Variants in YIPF6 observed in about 807,000 individuals in gnomAD.
YIPF6 encodes protein YIPF6.
YIPF6 carries 3 observed loss-of-function variants against 16.8 expected under a neutral mutation model. That is an observed-to-expected ratio of 0.18 (90% CI 0.08 to 0.46). The LOEUF (loss-of-function observed/expected upper bound fraction) is 0.46, where lower values mean the gene tolerates loss of function less well. Among genes scored for constraint, YIPF6 ranks in the 20% least tolerant of loss-of-function variants. The pLI is 0.98. For synonymous variants in YIPF6, 67 were observed against 61.9 expected, an observed-to-expected ratio of 1.08 and a Z score of -0.38; for missense variants, 145 against 184.9, an observed-to-expected ratio of 0.78 and a Z score of 1.25.
At position 68,535,074 on chromosome X, in the gene YIPF6, C is replaced by T. The variant is rs1437904378; in HGVS notation, c.*3075C>T. ...TGTGCAGTAAAGTCTTAAAAGTCAA[C>T]CGTTAATCATTAAGTCTTTTGCCTC... is the stretch of plus-strand genomic sequence containing the variant. On this transcript the variant is annotated 3_prime_UTR_variant, in exon 7 of 7. Transcript: ENST00000462683. 1 of 112,412 alleles carries T rather than the reference C, an allele frequency of 8.9e-6. No homozygotes were observed. Among genetic ancestry groups the T allele is most frequent in the Non-Finnish European group, 1.9e-5 (1 of 53,359 alleles). 9.3% of individuals were successfully genotyped at this position (112,412 alleles called of 1,213,427 possible). A position where few individuals can be genotyped will look rare whatever the true frequency, so the allele number is the denominator to read the frequency against.
At position 68,535,565 on chromosome X, in the gene YIPF6, A is replaced by T. The variant is rs2079188142; in HGVS notation, c.*3566A>T. On this transcript the variant is annotated 3_prime_UTR_variant, in exon 7 of 7. Transcript: ENST00000462683. ...GTATAAATGTTAATTCATGTATATA[A>T]ATTAGAAACACTTTTCTAGATTCTG... is the stretch of plus-strand genomic sequence containing the variant. 8.9e-6 allele frequency: 1 copy of T among 111,786 alleles called. No homozygotes were observed. The highest frequency in any genetic ancestry group is 1.9e-5 in the Non-Finnish European group (1 of 53,240). The allele number at this position is 111,786 out of a possible 1,213,427, so 9.2% of individuals were successfully genotyped here. A position where few individuals can be genotyped will look rare whatever the true frequency, so the allele number is the denominator to read the frequency against.
chrX:68,519,902 AT>A (rs1202782911), intron 4 of YIPF6, among the ~76,000 whole-genome samples: 3 of 111,465 alleles, frequency 2.7e-5, no homozygotes, highest in African/African-American at 9.8e-5. Context: ...GAGCATATAT[AT>A]TTTTTTTACT....
chrX:68,499,813 A>AT (rs769867996), intron 1 of YIPF6, among the ~76,000 whole-genome samples: 105 of 111,173 alleles, frequency 9.4e-4, no homozygotes, highest in Admixed American at 1.3e-3. Context: ...AATTTTTAGT[A>AT]TTTTTTTGTA....
chrX:68,500,460 C>T lies in YIPF6; in HGVS notation c.57+1337C>T, dbSNP rs376033385. On this transcript the variant is annotated intron_variant, in intron 1 of 6. Coordinates refer to ENST00000462683, the MANE Select transcript of YIPF6 (RefSeq NM_173834.4). ...CCTCCTGAGTAGCTGGGATTACAGGCGCCTGCCACTACGTCCAGCTAATTT... is the reference window on the plus strand; with the variant it reads ...CCTCCTGAGTAGCTGGGATTACAGGTGCCTGCCACTACGTCCAGCTAATTT... Among the ~76,000 whole-genome samples the T allele has an allele frequency of 2.4e-3, 270 of 110,789 alleles. 1 individual carries two copies. Among genetic ancestry groups the T allele is most frequent in the African/African-American group, 8.1e-3 (247 of 30,462 alleles).
At position 68,526,201 on chromosome X, in the gene YIPF6, A is replaced by G. The variant is rs1009233293; in HGVS notation, c.592+3284A>G. Among the ~76,000 whole-genome samples, 2 of 111,313 alleles carry G rather than the reference A, an allele frequency of 1.8e-5. 1 individual carries two copies. ...AGTTCTCCTTGAAGAGGTCCTTCAT[A>G]TCCCTTGTAAGTTGGATTCCTAGGT... On this transcript the variant is annotated intron_variant, in intron 6 of 6. Coordinates refer to ENST00000462683, the MANE Select transcript of YIPF6 (RefSeq NM_173834.4).
At chrX:68,500,517 G>A (rs549957461) in intron 1 of YIPF6, among the ~76,000 whole-genome samples, 33 of 110,959 alleles carry the variant, frequency 3.0e-4, no homozygotes, top group African/African-American at 1.0e-3. Flanking sequence ...CTTTCACCAC[G>A]TTGGCCAGGC....
At chrX:68,512,070 T>A (rs1569324575) in intron 2 of YIPF6, 93 bp downstream of exon 2, 8 of 933,504 alleles carry the variant, frequency 8.6e-6, no homozygotes, top group Admixed American at 6.7e-5. Context: ...TTCACTGATT[T>A]TGAATATATT....
rs778651887 is a variant in YIPF6, at chrX:68,508,139, G to A, written c.58-3710G>A. On this transcript the variant is annotated intron_variant, in intron 1 of 6. Coordinates refer to ENST00000462683, the MANE Select transcript of YIPF6 (RefSeq NM_173834.4). The stretch of plus-strand genomic sequence containing the variant: ...TCTTTTTTTTTTTTTTTGAGACAGA[G>A]TCTCACTCTGGAGTTCAGTGGCGTG... Among the ~76,000 whole-genome samples, 6 of 103,966 alleles carry A rather than the reference G, an allele frequency of 5.8e-5. No homozygotes were observed. The South Asian group carries it at 1.4e-3, about 24-fold the overall frequency. The allele number at this position is 103,966 out of a possible 115,157, so 90.3% of individuals were successfully genotyped here.
rs149811113 is a variant in YIPF6, at chrX:68,504,560, A to T, written c.57+5437A>T. ...AAAATACTCCTCTGTCATTCAGGAAATTCTAAGTTTAGAGGCTAACTCTCA... is the reference window on the plus strand; with the variant it reads ...AAAATACTCCTCTGTCATTCAGGAATTTCTAAGTTTAGAGGCTAACTCTCA... On this transcript the variant is annotated intron_variant, in intron 1 of 6. Coordinates refer to ENST00000462683, the MANE Select transcript of YIPF6 (RefSeq NM_173834.4). 8.7e-4 allele frequency among the ~76,000 whole-genome samples: 97 copies of T among 112,032 alleles called. 1 individual carries two copies. The East Asian group carries it at 0.026, about 30-fold the overall frequency.
intron 1 of YIPF6, among the ~76,000 whole-genome samples, chrX:68,500,481 AATTTTTGT>A (rs1458082952): frequency 9.1e-6 from 1 of 110,170 alleles, no homozygotes; most frequent in Non-Finnish European, 1.9e-5. Context: ...ACGTCCAGCT[AATTTTTGT>A]ATTTTTGTAG....
At chrX:68,516,010 C>T (rs2079101171) in intron 3 of YIPF6, among the ~76,000 whole-genome samples, 1 of 111,104 alleles carries the variant, frequency 9.0e-6, no homozygotes, top group Non-Finnish European at 1.9e-5. Flanking sequence ...GTAGTCCCAG[C>T]TACTCCGGAG....
intron 6 of YIPF6, among the ~76,000 whole-genome samples, chrX:68,529,974 C>T (rs1368534335): frequency 3.6e-5 from 4 of 112,117 alleles, no homozygotes; most frequent in African/African-American, 9.7e-5. Context: ...CTTGAGGAAG[C>T]AGTCTGTCCC....
chrX:68,529,908 G>A (rs776409540), intron 6 of YIPF6, among the ~76,000 whole-genome samples: 11 of 111,850 alleles, frequency 9.8e-5, no homozygotes, highest in East Asian at 8.5e-4. Context: ...TGAGGTGTCC[G>A]TCAACCCCTG....
At chrX:68,504,641 G>A (rs928800697) in intron 1 of YIPF6, among the ~76,000 whole-genome samples, 1 of 112,296 alleles carries the variant, frequency 8.9e-6, no homozygotes, top group Non-Finnish European at 1.9e-5. Context: ...GACAGAACTG[G>A]AATTGACTCC....
chrX:68,502,438 A>T (rs1192733624), intron 1 of YIPF6, among the ~76,000 whole-genome samples: 1 of 111,393 alleles, frequency 9.0e-6, no homozygotes. Context: ...AGGGCCCGAG[A>T]TTTTGCATTT....
chrX:68,516,029 G>A (rs892222991), intron 3 of YIPF6, among the ~76,000 whole-genome samples: 8 of 110,985 alleles, frequency 7.2e-5, no homozygotes, highest in African/African-American at 2.3e-4. Flanking sequence ...AGGCTGAGGC[G>A]GAAGAATCGC....
chrX:68,507,618 T>A (rs973273140), intron 1 of YIPF6, among the ~76,000 whole-genome samples: 3 of 109,313 alleles, frequency 2.7e-5, no homozygotes, highest in African/African-American at 1.0e-4. Context: ...TTTTTTTTTT[T>A]TTGAGATGGA....
intron 4 of YIPF6, among the ~76,000 whole-genome samples, chrX:68,520,709 C>T (rs1405269356): frequency 9.0e-6 from 1 of 111,582 alleles, no homozygotes; most frequent in Non-Finnish European, 1.9e-5. Context: ...TGGCCTCAAG[C>T]GATCTGCCTG....
intron 5 of YIPF6, among the ~76,000 whole-genome samples, chrX:68,522,213 C>A (rs769409020): frequency 9.0e-6 from 1 of 111,097 alleles, no homozygotes; most frequent in South Asian, 3.8e-4. Flanking sequence ...GGAACTAGAG[C>A]AGATCATCTG....
Sources: gnomAD v4.1 joint callset for allele counts (sites outside exome capture counted in the v4.1 genomes callset) on GRCh38, gnomAD v4.1.1 for gene constraint, MANE v1.5 for transcripts, NCBI Gene and HGNC (gene_info 2026-07-23, HGNC 2026-07-21) for gene names.